The following SEM1 variants were observed in gnomAD, a reference collection of about 807,000 sequenced individuals.
SEM1 encodes the protein 26S proteasome complex subunit SEM1.
SEM1 carries 3 observed loss-of-function variants against 12.7 expected under a neutral mutation model. The ratio of observed to expected loss-of-function variants is 0.24; its 90% CI spans 0.11 to 0.61. The LOEUF (loss-of-function observed/expected upper bound fraction) is 0.61, where lower values mean the gene tolerates loss of function less well. Among genes scored for constraint, SEM1 ranks in the 20% least tolerant of loss-of-function variants. The pLI is 0.88. For synonymous variants in SEM1, 30 were observed against 27.8 expected (o/e 1.08, Z -0.25); for missense variants, 59 against 81.3 (o/e 0.73, Z 1.06).
At chr7:96,567,015 T>A (rs939074627) in intron 2 of SEM1, among the ~76,000 whole-genome samples, 3 of 151,586 alleles carry the variant, frequency 2.0e-5, no homozygotes, top group African/African-American at 7.2e-5. Context: ...CCAGTAAAAG[T>A]GTGTTTTAAT....
chr7:96,549,591 T>C (rs1256064102), intron 2 of SEM1, among the ~76,000 whole-genome samples: 1 of 152,146 alleles, frequency 6.6e-6, no homozygotes, highest in African/African-American at 2.4e-5. Flanking sequence ...TTACAAATCT[T>C]AGTTTTGTAC....
At chr7:96,550,064 T>A (rs4324868) in intron 2 of SEM1, among the ~76,000 whole-genome samples, 93,253 of 151,902 alleles carry the variant, frequency 0.61, 29,374 homozygotes, top group Non-Finnish European at 0.69. Context: ...TTTATTAATA[T>A]AAATGTCTAG....
chr7:96,674,484 CTT>C (rs772670147), intron 2 of SEM1, among the ~76,000 whole-genome samples: 1 of 151,898 alleles, frequency 6.6e-6, no homozygotes, highest in African/African-American at 2.4e-5. Flanking sequence ...TAAGGAGACT[CTT>C]TCTCTAAAAA....
chr7:96,614,128 G>C (rs1231236062), intron 2 of SEM1, among the ~76,000 whole-genome samples: 1 of 151,960 alleles, frequency 6.6e-6, no homozygotes, highest in Admixed American at 6.6e-5. Context: ...CTCTTGCTGG[G>C]TAACATTCTT....
At chr7:96,617,297 T>C (rs1237062880) in intron 2 of SEM1, among the ~76,000 whole-genome samples, 1 of 152,130 alleles carries the variant, frequency 6.6e-6, no homozygotes, top group Non-Finnish European at 1.5e-5. Flanking sequence ...GTATTTCCTC[T>C]TTTTTTAGCT....
intron 3 of SEM1, among the ~76,000 whole-genome samples, chr7:96,505,259 G>A (rs1243208170): frequency 1.3e-5 from 2 of 151,750 alleles, no homozygotes; most frequent in Non-Finnish European, 2.9e-5. Context: ...ACACCACCAC[G>A]CCCAGCTAAT....
rs368977007 is a variant in SEM1, at chr7:96,578,808, C to A, written c.171-72110G>T. On this transcript the variant is annotated intron_variant and NMD_transcript_variant, in intron 2 of 3. Transcript: ENST00000466986. ...GCTAGGCTGGGTGCCAGAGCCAGAC[C>A]CTTTGCTAGTATAGTTAGTGAGTAC... Among the ~76,000 whole-genome samples the A allele has an allele frequency of 1.7e-4, 26 of 152,244 alleles. No homozygotes were observed. The East Asian group carries it at 4.2e-3, about 25-fold the overall frequency.
intron 1 of SEM1, among the ~76,000 whole-genome samples, chr7:96,493,401 G>A (rs542466830): frequency 6.6e-6 from 1 of 152,114 alleles, no homozygotes; most frequent in East Asian, 1.9e-4. Flanking sequence ...AGCTTTCCAA[G>A]CTTGAGATCA....
intron 2 of SEM1, among the ~76,000 whole-genome samples, chr7:96,531,037 T>C (rs1804624232): frequency 6.6e-6 from 1 of 151,988 alleles, no homozygotes; most frequent in Non-Finnish European, 1.5e-5. Flanking sequence ...AGAATTTAGC[T>C]ATGGGGGAAG....
rs560687843 is a variant in SEM1, at chr7:96,585,041, G to A, written c.171-78343C>T. ...TGCGTTCCTTTGGAGAAGGAGAGGC[G>A]CTCTGCTTTTTAGAGTTTCCAGTTT... On this transcript the variant is annotated intron_variant and NMD_transcript_variant, in intron 2 of 3. Coordinates refer to the SEM1 transcript ENST00000466986. Among the ~76,000 whole-genome samples the A allele has an allele frequency of 3.9e-3, 588 of 151,790 alleles. 2 individuals carry two copies. The highest frequency in any genetic ancestry group is 0.013 in the African/African-American group (553 of 41,326).
rs67429460 is a variant in SEM1 at position 96,598,394 on chromosome 7, ATTTT to A, written c.171-91700_171-91697del. Among the ~76,000 whole-genome samples, 355 of 144,862 alleles carry A rather than the reference ATTTT, an allele frequency of 2.5e-3. 2 individuals are homozygous for A. The highest frequency in any genetic ancestry group is 8.2e-3 in the African/African-American group (325 of 39,692). On this transcript the variant is annotated intron_variant and NMD_transcript_variant, in intron 2 of 3. Transcript: ENST00000466986. ...ATATTGTATAAAGATTCAGACTTGG[ATTTT>A]TTTTTTTTTTTCCCCCAAATAGAGG...
chr7:96,548,948 G>A (rs1805183434), intron 2 of SEM1, among the ~76,000 whole-genome samples: 1 of 152,144 alleles, frequency 6.6e-6, no homozygotes, highest in Admixed American at 6.5e-5. Context: ...GGCAGAAATT[G>A]AGACAGGGAG....
At chr7:96,582,455 C>T (rs1303730316) in intron 2 of SEM1, among the ~76,000 whole-genome samples, 4 of 150,382 alleles carry the variant, frequency 2.7e-5, no homozygotes, top group Middle Eastern at 3.4e-3. Flanking sequence ...TGTCTCTGCC[C>T]GGCTTTGGTA....
intron 3 of SEM1, among the ~76,000 whole-genome samples, chr7:96,501,446 AC>A (rs1477435489): frequency 2.0e-5 from 3 of 152,122 alleles, no homozygotes; most frequent in African/African-American, 7.2e-5. Context: ...TCACACACAC[AC>A]AAAAAAACCC....
At chr7:96,672,937 TTC>T (rs1789358038), downstream of SEM1, 1 of 152,204 alleles carries the variant, frequency 6.6e-6, no homozygotes, top group African/African-American at 2.4e-5. Context: ...TAGTCTGTTT[TTC>T]TCTGTTTTAT....
Position 96,692,362 on chromosome 7 carries a change from T to G in SEM1, c.170+2436A>C, listed in dbSNP as rs534929152. ...GAAGAAAACTTGTTTAGCCTCAATT[T>G]CAAAATGTCAAAAACATATCAGGAA... On this transcript the variant is annotated intron_variant, in intron 2 of 2. Transcript: ENST00000248566. Among the ~76,000 whole-genome samples the G allele has an allele frequency of 2.3e-4, 35 of 152,216 alleles. No individual in the cohort carries two copies. The South Asian group carries it at 5.4e-3, about 23-fold the overall frequency.
intron 1 of SEM1, among the ~76,000 whole-genome samples, chr7:96,492,972 T>C (rs78550734): frequency 0.012 from 1,887 of 152,134 alleles, 46 homozygotes; most frequent in African/African-American, 0.043. Context: ...GATTAGAATG[T>C]TTTGTTTGTT....
At chr7:96,590,314 T>A (rs1426561252) in intron 2 of SEM1, among the ~76,000 whole-genome samples, 1 of 152,194 alleles carries the variant, frequency 6.6e-6, no homozygotes, top group Non-Finnish European at 1.5e-5. Context: ...TCCTAACAAA[T>A]AGTTCATTTT....
At chr7:96,552,109 G>C (rs533162104) in intron 2 of SEM1, among the ~76,000 whole-genome samples, 1 of 152,160 alleles carries the variant, frequency 6.6e-6, no homozygotes, top group Non-Finnish European at 1.5e-5. Context: ...CAGGGGAAGC[G>C]TGGCCTCACC....
Sources: gnomAD v4.1 joint callset for allele counts (sites outside exome capture counted in the v4.1 genomes callset) on GRCh38, gnomAD v4.1.1 for gene constraint, MANE v1.5 for transcripts, NCBI Gene and HGNC (gene_info 2026-07-23, HGNC 2026-07-21) for gene names.